SFXN5: variants seen among roughly 807,000 people sequenced by gnomAD.
SFXN5 encodes the protein sideroflexin-5.
SFXN5 carries 43 observed loss-of-function variants against 50.2 expected under a neutral mutation model. The observed-to-expected ratio is 0.86, with a 90% CI of 0.67 to 1.11. The LOEUF (loss-of-function observed/expected upper bound fraction) is 1.11. Ranked by LOEUF, SFXN5 falls within the 50% of genes least tolerant of loss-of-function variation. The pLI is 0.00. For missense variants in SFXN5, 463 were observed against 454.1 expected, an observed-to-expected ratio of 1.02 and a Z score of -0.18; for synonymous variants, 203 against 185.8, an observed-to-expected ratio of 1.09 and a Z score of -0.75.
intron 3 of SFXN5, among the ~76,000 whole-genome samples, chr2:73,029,108 C>T (rs1368911631): frequency 3.9e-5 from 6 of 152,130 alleles, no homozygotes; most frequent in Non-Finnish European, 8.8e-5. Flanking sequence ...AAATGACGTT[C>T]GCCAGTTCCA....
chr2:73,057,456 G>C (rs183341936), intron 2 of SFXN5, among the ~76,000 whole-genome samples: 1 of 152,188 alleles, frequency 6.6e-6, no homozygotes, highest in East Asian at 1.9e-4. Context: ...ATTGTGTTAA[G>C]GTAAAGAAGC....
intron 6 of SFXN5, among the ~76,000 whole-genome samples, chr2:73,012,213 G>A (rs1675591249): frequency 6.6e-6 from 1 of 152,098 alleles, no homozygotes; most frequent in South Asian, 2.1e-4. Flanking sequence ...TTCTTACAGG[G>A]GTTACTCTGG....
chr2:73,064,984 G>C (rs1055481381), intron 1 of SFXN5, among the ~76,000 whole-genome samples: 1 of 152,066 alleles, frequency 6.6e-6, no homozygotes, highest in Non-Finnish European at 1.5e-5. Flanking sequence ...ACGGGGTTTC[G>C]CCATGTTGCC....
chr2:73,037,350 T>A (rs987582042), intron 3 of SFXN5, among the ~76,000 whole-genome samples: 2 of 151,882 alleles, frequency 1.3e-5, no homozygotes, highest in African/African-American at 4.8e-5. Flanking sequence ...ACCTGCTCTA[T>A]CCCCCAGGCC....
chr2:72,979,205 A>G lies in SFXN5; in HGVS notation c.626-7520T>C, dbSNP rs143409723. ...AAAATATAAAACCTAAATGGTAAGC[A>G]TACACTAACTCCAGGTCGGTGCCTT... On this transcript the variant is annotated intron_variant, in intron 10 of 13. Coordinates refer to ENST00000272433, the MANE Select transcript of SFXN5 (RefSeq NM_144579.3). Among the ~76,000 whole-genome samples the G allele has an allele frequency of 1.8e-3, 274 of 152,370 alleles. 3 individuals are homozygous for G. Among genetic ancestry groups the G allele is most frequent in the African/African-American group, 6.4e-3 (268 of 41,590 alleles).
chr2:73,022,201 C>G (rs888312608), intron 5 of SFXN5, among the ~76,000 whole-genome samples: 1 of 152,186 alleles, frequency 6.6e-6, no homozygotes, highest in African/African-American at 2.4e-5. Flanking sequence ...GGCTTGCTTA[C>G]AGCAGGCATC....
At chr2:72,980,948 GAATTAT>G (rs1671232779) in intron 10 of SFXN5, 1 of 151,946 alleles carries the variant, frequency 6.6e-6, no homozygotes, top group African/African-American at 2.4e-5. Context: ...TGGATTTCAG[GAATTAT>G]AAAACCCCAG....
At chr2:72,999,049 G>A (rs754405386) in intron 8 of SFXN5, 35 bp from the exon 9 acceptor site, 4 of 1,610,316 alleles carry the variant, frequency 2.5e-6, no homozygotes, top group Non-Finnish European at 3.4e-6. Flanking sequence ...GGCCTGCTGG[G>A]TGCCCAAAGC....
intron 13 of SFXN5, among the ~76,000 whole-genome samples, chr2:72,959,797 CCT>C (rs750701003): frequency 3.9e-5 from 6 of 152,294 alleles, no homozygotes; most frequent in East Asian, 3.9e-4. Flanking sequence ...TACGCAAGCC[CCT>C]GTCTCTCCCA....
chr2:73,002,676 AAC>A lies in SFXN5; in HGVS notation c.358-1100_358-1099del, dbSNP rs140692532. Among the ~76,000 whole-genome samples the A allele has an allele frequency of 5.9e-4, 90 of 152,022 alleles. 1 individual carries two copies. The East Asian group carries it at 6.2e-3, about 10-fold the overall frequency. ...AACATTAAAATGTTTTAAAACAGCTAACACACACACACACAATCTATATTTAT... is the reference window on the plus strand; with the variant it reads ...AACATTAAAATGTTTTAAAACAGCTAACACACACACACAATCTATATTTAT... On this transcript the variant is annotated intron_variant, in intron 6 of 13. Coordinates refer to ENST00000272433, the MANE Select transcript of SFXN5 (RefSeq NM_144579.3).
At chr2:73,015,165 C>T (rs959965729) in intron 6 of SFXN5, among the ~76,000 whole-genome samples, 4 of 151,972 alleles carry the variant, frequency 2.6e-5, no homozygotes, top group Admixed American at 6.6e-5. Flanking sequence ...TAATAATTAC[C>T]GTAAATTGAG....
In SFXN5 at chr2:72,953,650, A is replaced by G. The variant is rs1046990593; in HGVS notation, c.945+7481T>C. The stretch of plus-strand genomic sequence containing the variant: ...AGGGGGAAGATGGAACACAGAAAAC[A>G]CACCACCAGAGCCTACACAGGTGAG... On this transcript the variant is annotated intron_variant, in intron 13 of 13. Transcript: ENST00000272433. The surrounding 1 kb of genome is among the most constrained non-coding windows in gnomAD (Gnocchi z 4.1). Among the ~76,000 whole-genome samples, 3 of 142,110 alleles carry G rather than the reference A, an allele frequency of 2.1e-5. No homozygotes were observed. The highest frequency in any genetic ancestry group is 7.9e-5 in the African/African-American group (3 of 38,178). 93.2% of individuals were successfully genotyped at this position (142,110 alleles called of 152,430 possible).
intron 1 of SFXN5, among the ~76,000 whole-genome samples, chr2:73,062,815 G>A (rs1682913511): frequency 6.6e-6 from 1 of 152,204 alleles, no homozygotes; most frequent in South Asian, 2.1e-4. Context: ...AAGTCAAGGA[G>A]GTGTCCCAGA....
intron 6 of SFXN5, among the ~76,000 whole-genome samples, chr2:73,011,790 A>G (rs7570876): frequency 0.34 from 51,213 of 152,118 alleles, 10,543 homozygotes; most frequent in African/African-American, 0.57. Flanking sequence ...AAAAGCATGG[A>G]GAAATATAGT....
chr2:72,967,520 T>G (rs1360529368), intron 12 of SFXN5, among the ~76,000 whole-genome samples: 2 of 152,168 alleles, frequency 1.3e-5, no homozygotes, highest in African/African-American at 4.8e-5. Context: ...GATACACAAG[T>G]GCTTAATAAA....
At chr2:72,991,190 G>C (rs2105602545) in intron 9 of SFXN5, among the ~76,000 whole-genome samples, 1 of 152,338 alleles carries the variant, frequency 6.6e-6, no homozygotes, top group African/African-American at 2.4e-5. Context: ...CCCCCTCCCT[G>C]GTCGGCCATT....
intron 10 of SFXN5, among the ~76,000 whole-genome samples, chr2:72,974,801 C>T (rs549227434): frequency 2.1e-4 from 31 of 151,046 alleles, no homozygotes; most frequent in African/African-American, 7.6e-4. Context: ...CTGGCAAGTC[C>T]GGCTCCTGTG....
intron 12 of SFXN5, among the ~76,000 whole-genome samples, chr2:72,965,369 C>T (rs966809688): frequency 3.3e-5 from 5 of 152,214 alleles, no homozygotes; most frequent in Admixed American, 2.6e-4. Flanking sequence ...CTCAATGAAA[C>T]CTTGCACTCA....
intron 13 of SFXN5, among the ~76,000 whole-genome samples, chr2:72,958,319 G>A (rs1673330869): frequency 1.3e-5 from 2 of 152,154 alleles, no homozygotes; most frequent in Admixed American, 6.5e-5. Flanking sequence ...GCACTTCCTA[G>A]GGGCCTGGAC....
Sources: gnomAD v4.1 joint callset for allele counts (sites outside exome capture counted in the v4.1 genomes callset) on GRCh38, gnomAD v4.1.1 for gene constraint, Gnocchi (gnomAD v3.1) non-coding constraint, MANE v1.5 for transcripts, NCBI Gene and HGNC (gene_info 2026-07-23, HGNC 2026-07-21) for gene names.